ANKRD36C: variants seen among roughly 807,000 people sequenced by gnomAD.
ANKRD36C encodes ankyrin repeat domain 36C.
Under a neutral mutation model 276.4 loss-of-function variants are expected in ANKRD36C, and 61 were observed. The observed-to-expected ratio is 0.22, with a 90% CI of 0.18 to 0.27. The LOEUF (loss-of-function observed/expected upper bound fraction) is 0.27. Ranked by LOEUF, ANKRD36C falls within the 10% of genes least tolerant of loss-of-function variation. The pLI, the probability that ANKRD36C is intolerant of heterozygous loss-of-function variation, is 1.00. For synonymous variants in ANKRD36C, 483 were observed against 680.1 expected (o/e 0.71, Z 4.51); for missense variants, 1,447 against 2,032.3 (o/e 0.71, Z 5.54).
chr2:95,930,545 A>C (rs867304134), intron 24 of ANKRD36C, among the ~76,000 whole-genome samples: 1 of 151,654 alleles, frequency 6.6e-6, no homozygotes, highest in Middle Eastern at 3.4e-3. Flanking sequence ...AAACATACAC[A>C]TCAATGAAAT....
chr2:95,978,801 T>C (rs1283386265), intron 5 of ANKRD36C, among the ~76,000 whole-genome samples: 13 of 152,104 alleles, frequency 8.5e-5, no homozygotes, highest in Admixed American at 8.5e-4. Flanking sequence ...TATTTCTTAA[T>C]TCATAAATAA....
At chr2:95,966,605 C>A (rs1180418598) in intron 6 of ANKRD36C, among the ~76,000 whole-genome samples, 2 of 152,096 alleles carry the variant, frequency 1.3e-5, no homozygotes, top group South Asian at 2.1e-4. Context: ...ATGATGCCTC[C>A]AAATTTGTTC....
chr2:95,894,015 C>G (rs1210324363), intron 44 of ANKRD36C, among the ~76,000 whole-genome samples: 1 of 151,432 alleles, frequency 6.6e-6, no homozygotes, highest in African/African-American at 2.4e-5. Flanking sequence ...GTGATGAGAA[C>G]AAATGTGATC....
chr2:95,863,858 G>T (rs1675633216), intron 60 of ANKRD36C, among the ~76,000 whole-genome samples: 1 of 152,040 alleles, frequency 6.6e-6, no homozygotes, highest in African/African-American at 2.4e-5. Context: ...AGAGCACAGA[G>T]GATTTTTAGG....
chr2:95,856,912 C>G (rs2104251914), intron 62 of ANKRD36C, among the ~76,000 whole-genome samples: 1 of 152,012 alleles, frequency 6.6e-6, no homozygotes, highest in East Asian at 1.9e-4. Flanking sequence ...TTCAAGACAC[C>G]AAAAGTCAAG....
intron 28 of ANKRD36C, 148 bp downstream of exon 28, chr2:95,927,066 C>G (rs1358979258): frequency 1.7e-6 from 2 of 1,161,098 alleles, no homozygotes; most frequent in Non-Finnish European, 1.2e-6. Context: ...AGACCAGCAG[C>G]ATCAGTGTCA....
chr2:95,960,464 C>T lies in ANKRD36C; in HGVS notation c.1003+9G>A. On this transcript the variant is annotated intron_variant, in intron 10 of 66. Coordinates refer to ENST00000456556, the Ensembl canonical transcript of ANKRD36C. ...TGAACGTGGCATTAAATGTGTATTG[C>T]AAAATTACCTGTCCCAGATTTTTGT... 1 of 1,539,782 alleles carries T rather than the reference C, an allele frequency of 6.5e-7. No individual in the cohort carries two copies. The highest frequency in any genetic ancestry group is 8.7e-7 in the Non-Finnish European group (1 of 1,145,772).
At chr2:95,852,019 G>C in intron 65 of ANKRD36C, 107 bp downstream of exon 85, 1 of 1,283,320 alleles carries the variant, frequency 7.8e-7, no homozygotes, top group South Asian at 1.3e-5. Context: ...AACTTTTTTG[G>C]CTTCACAAAG....
chr2:95,917,794 G>A (rs1558639332), intron 36 of ANKRD36C, 61 bp downstream of exon 38: 2 of 1,542,970 alleles, frequency 1.3e-6, no homozygotes, highest in African/African-American at 1.4e-5. Context: ...ATTTATTCAG[G>A]GTAGAGAAGT....
chr2:95,917,952 A>G lies in ANKRD36C; in HGVS notation c.2275-25T>C, dbSNP rs532339477. The G allele has an allele frequency of 5.0e-6, 8 of 1,597,976 alleles. No individual in the cohort carries two copies. The South Asian group carries it at 8.9e-5, about 18-fold the overall frequency. ...CCTGAATGGAATTTGAAAGAAAATAATAAATAAATAAATCAATGAAGTATG... is the reference window on the plus strand; with the variant it reads ...CCTGAATGGAATTTGAAAGAAAATAGTAAATAAATAAATCAATGAAGTATG... On this transcript the variant is annotated intron_variant, in intron 35 of 66. Coordinates refer to ENST00000456556, the Ensembl canonical transcript of ANKRD36C.
intron 13 of ANKRD36C, among the ~76,000 whole-genome samples, chr2:95,955,633 C>T (rs1193489900): frequency 2.0e-5 from 3 of 152,102 alleles, no homozygotes; most frequent in African/African-American, 7.2e-5. Context: ...TCACTAGAGC[C>T]ACTCCTTCTT....
At chr2:95,979,642 C>T (rs1474786698) in intron 5 of ANKRD36C, among the ~76,000 whole-genome samples, 1 of 151,924 alleles carries the variant, frequency 6.6e-6, no homozygotes. Context: ...AAAGCTTTTA[C>T]ACTGTTTATA....
At chr2:95,887,846 C>A in intron 50 of ANKRD36C, 79 bp downstream of exon 70, 2 of 1,514,510 alleles carry the variant, frequency 1.3e-6, no homozygotes, top group South Asian at 2.4e-5. Context: ...TTGATGAGCC[C>A]CGCACTGATT....
At chr2:95,942,996 T>C in intron 19 of ANKRD36C, among the ~76,000 whole-genome samples, 1 of 144,886 alleles carries the variant, frequency 6.9e-6, no homozygotes, top group Non-Finnish European at 1.5e-5. Context: ...TAAAAATAGG[T>C]ACTTTGTTTA....
intron 48 of ANKRD36C, 68 bp downstream of exon 68, chr2:95,889,731 T>C (rs1676288971): frequency 6.6e-7 from 1 of 1,517,232 alleles, no homozygotes; most frequent in Non-Finnish European, 8.9e-7. Flanking sequence ...CCCCGCTGCT[T>C]TATTTGGTGA....
intron 13 of ANKRD36C, among the ~76,000 whole-genome samples, chr2:95,955,149 G>C (rs1678297947): frequency 6.6e-6 from 1 of 152,182 alleles, no homozygotes. Flanking sequence ...CAGAAAAAAA[G>C]AGACATCCAC....
chr2:95,952,049 A>T (rs1416986865), intron 14 of ANKRD36C, among the ~76,000 whole-genome samples: 58 of 148,026 alleles, frequency 3.9e-4, no homozygotes, highest in South Asian at 3.0e-3. Flanking sequence ...GCTGTAACTA[A>T]GTATCCTGAC....
intron 56 of ANKRD36C, 81 bp from the exon 77 acceptor site, chr2:95,880,704 A>C: frequency 6.8e-7 from 1 of 1,477,920 alleles, no homozygotes; most frequent in Non-Finnish European, 9.2e-7. Context: ...GTTAACATCA[A>C]ACTGAATACT....
chr2:95,890,229 G>A (rs376012252), intron 46 of ANKRD36C, among the ~76,000 whole-genome samples: 16 of 151,312 alleles, frequency 1.1e-4, no homozygotes, highest in East Asian at 7.8e-4. Flanking sequence ...GTCATATGTC[G>A]AAAACTAAAA....
Sources: allele counts gnomAD v4.1 joint callset (sites outside exome capture counted in the v4.1 genomes callset), GRCh38; gene constraint gnomAD v4.1.1; transcripts MANE v1.5; gene names NCBI Gene and HGNC (gene_info 2026-07-23, HGNC 2026-07-21).